CNGA4: variants seen among roughly 807,000 people sequenced by gnomAD.
CNGA4 encodes cyclic nucleotide gated channel subunit alpha 4, also known as cyclic nucleotide-gated channel alpha-4.
A neutral mutation model predicts 45.6 loss-of-function variants in CNGA4; 32 were observed. That is an observed-to-expected ratio of 0.70 (90% CI 0.53 to 0.94). The LOEUF (loss-of-function observed/expected upper bound fraction) is 0.94. Among genes scored for constraint, CNGA4 ranks in the 40% least tolerant of loss-of-function variants. CNGA4 has a pLI of 0.00. For missense variants in CNGA4, 726 were observed against 755.1 expected (o/e 0.96, Z 0.45); for synonymous variants, 293 against 304.6 (o/e 0.96, Z 0.40).
upstream of CNGA4, chr11:6,235,469 C>T (rs1173911745): frequency 1.0e-6 from 1 of 985,156 alleles, no homozygotes; most frequent in Non-Finnish European, 1.2e-6. Context: ...CGGGGGCCAC[C>T]TAGGAGCAGC....
upstream of CNGA4, among the ~76,000 whole-genome samples, chr11:6,235,945 AAAAAAAGAAAAG>A (rs1847830076): frequency 6.6e-6 from 1 of 151,892 alleles, no homozygotes; most frequent in African/African-American, 2.4e-5. Flanking sequence ...TCTCAAAAAA[AAAAAAAGAAAAG>A]AAAAAAAGAA....
intron 3 of CNGA4, 55 bp downstream of exon 3, chr11:6,239,845 C>A: frequency 6.5e-7 from 1 of 1,538,694 alleles, no homozygotes; most frequent in Non-Finnish European, 8.9e-7. Flanking sequence ...CTAAAGATAG[C>A]CACTTAAGAA....
chr11:6,244,077 G>A lies in CNGA4; in HGVS notation c.1396G>A (p.Glu466Lys), dbSNP rs1847955288. Residue 466 changes from glutamate (E) to lysine (K), a missense_variant, in exon 6 of 6, where the codon GAG (glutamate) becomes AAG (lysine). Coordinates refer to ENST00000379936, the MANE Select transcript of CNGA4 (RefSeq NM_001037329.4). The surrounding 1 kb of genome is among the most constrained non-coding windows in gnomAD (Gnocchi z 4.5). ...TCCACAAGCACAGACCATCATGGAG[G>A]AGAAAGGACGTGAGATCCTGCTGAA... The part of the protein sequence containing the change: ...EYPQAQTIME[E>K]KGREILLKMN... 4 of 1,614,232 alleles carry A rather than the reference G, an allele frequency of 2.5e-6. No homozygotes were observed. The highest frequency in any genetic ancestry group is 3.4e-6 in the Non-Finnish European group (4 of 1,180,038).
upstream of CNGA4, chr11:6,238,974 G>C: frequency 7.6e-7 from 1 of 1,313,070 alleles, no homozygotes; most frequent in Non-Finnish European, 1.0e-6. Context: ...AGCTGGGCAG[G>C]TGTAAGCCCA....
Position 6,244,431 on chromosome 11 carries a change from T to G in CNGA4, c.*22T>G. The G allele has an allele frequency of 1.3e-6, 2 of 1,582,138 alleles. No homozygotes were observed. The highest frequency in any genetic ancestry group is 1.7e-6 in the Non-Finnish European group (2 of 1,162,118). On this transcript the variant is annotated 3_prime_UTR_variant, in exon 6 of 6. Coordinates refer to ENST00000379936, the MANE Select transcript of CNGA4 (RefSeq NM_001037329.4). The surrounding 1 kb of genome is among the most constrained non-coding windows in gnomAD (Gnocchi z 4.5). ...GTGACCCCATCCCCATCCCCAGGAT[T>G]CCCACCTCCTAGTGAATCCAGAGTT...
In CNGA4 at chr11:6,239,743, C is replaced by T. The variant is rs764594438; in HGVS notation, c.224C>T (p.Thr75Met). 5 of 1,614,128 alleles carry T rather than the reference C, an allele frequency of 3.1e-6. No homozygotes were observed. The highest frequency in any genetic ancestry group is 1.7e-4 in the Middle Eastern group (1 of 6,058). Residue 75 changes from threonine to methionine, a missense_variant, in exon 3 of 6, where the codon ACG (threonine) becomes ATG (methionine). Transcript: ENST00000379936. ...YLVAWLVLDY[T>M]SDLLYLLDMV... is the part of the protein sequence containing the mutation. Reference sequence around the variant, plus strand: ...GTGGCCTGGTTGGTGCTGGACTACACGAGTGACCTGCTATACCTACTAGAC... The same window carrying T: ...GTGGCCTGGTTGGTGCTGGACTACATGAGTGACCTGCTATACCTACTAGAC...
At position 6,240,382 on chromosome 11, in the gene CNGA4, C is replaced by T. The variant is rs377739445; in HGVS notation, c.588C>T (p.Phe196=). 7 of 1,614,106 alleles carry T rather than the reference C, an allele frequency of 4.3e-6. No homozygotes were observed. The highest frequency in any genetic ancestry group is 5.9e-6 in the Non-Finnish European group (7 of 1,180,050). The change falls in exon 4 of 6, where the codon TTC becomes TTT. Residue 196 remains phenylalanine, a synonymous_variant. Coordinates refer to ENST00000379936, the MANE Select transcript of CNGA4 (RefSeq NM_001037329.4). This position sits in a 1 kb window ranked among gnomAD's most constrained non-coding sequence, Gnocchi z 4.9. ...TTGCCCTATCCCGGTACCTGGGCTTCGGGCGTGACGCATGGGTGTACCCGG... is the reference window on the plus strand; with the variant it reads ...TTGCCCTATCCCGGTACCTGGGCTTTGGGCGTGACGCATGGGTGTACCCGG... The part of the protein sequence containing the change: ...LYFALSRYLG[F]GRDAWVYPDP...
Position 6,241,773 on chromosome 11 carries a change from C to T in CNGA4, c.1260C>T (p.Asn420=), listed in dbSNP as rs758696996. 6.2e-7 allele frequency: 1 copy of T among 1,613,878 alleles called. No homozygotes were observed. Among genetic ancestry groups the T allele is most frequent in the East Asian group, 2.2e-5 (1 of 44,874 alleles). ...GLYFGEISII[N]IKGNMSGNRR... is the part of the protein sequence containing the mutation. ...ACTTTGGGGAGATCAGCATCATCAA[C>T]ATCAAAGGTGGGTATCCCAGTATTT... is the stretch of plus-strand genomic sequence containing the variant. The change falls in exon 5 of 6, where the codon AAC becomes AAT. Residue 420 remains asparagine (N), a synonymous_variant. Coordinates refer to ENST00000379936, the MANE Select transcript of CNGA4 (RefSeq NM_001037329.4).
chr11:6,239,153 C>T lies in CNGA4; in HGVS notation c.-54C>T. The T allele has an allele frequency of 6.2e-7, 1 of 1,612,054 alleles. No individual in the cohort carries two copies. On this transcript the variant is annotated 5_prime_UTR_variant, in exon 1 of 6. Transcript: ENST00000379936. ...ACTAGTGCCCAACTCCAGAAGTCCCCTACAGGCAGAGAGGGTGTGGACATC... is the reference window on the plus strand; with the variant it reads ...ACTAGTGCCCAACTCCAGAAGTCCCTTACAGGCAGAGAGGGTGTGGACATC...
At chr11:6,242,639 C>T (rs1485567632) in intron 5 of CNGA4, among the ~76,000 whole-genome samples, 1 of 152,136 alleles carries the variant, frequency 6.6e-6, no homozygotes, top group Non-Finnish European at 1.5e-5. Flanking sequence ...GTCTGTTTGA[C>T]TTTGGACAAG....
Position 6,239,148 on chromosome 11 carries a change from GT to G in CNGA4, c.-58del. 6.2e-7 allele frequency: 1 copy of G among 1,611,602 alleles called. No individual in the cohort carries two copies. The highest frequency in any genetic ancestry group is 8.5e-7 in the Non-Finnish European group (1 of 1,179,682). ...CAGGCACTAGTGCCCAACTCCAGAAGTCCCCTACAGGCAGAGAGGGTGTGGA... is the reference window on the plus strand; with the variant it reads ...CAGGCACTAGTGCCCAACTCCAGAAGCCCCTACAGGCAGAGAGGGTGTGGA... On this transcript the variant is annotated 5_prime_UTR_variant, in exon 1 of 6. Transcript: ENST00000379936.
upstream of CNGA4, among the ~76,000 whole-genome samples, chr11:6,237,851 G>C (rs1443711785): frequency 6.6e-6 from 1 of 152,118 alleles, no homozygotes; most frequent in Non-Finnish European, 1.5e-5. Flanking sequence ...CTCTTCACAG[G>C]TTCTCTATTG....
chr11:6,239,889 C>T, intron 3 of CNGA4, 99 bp downstream of exon 3: 3 of 1,361,876 alleles, frequency 2.2e-6, no homozygotes, highest in Non-Finnish European at 2.0e-6. Context: ...GTGGTAGCAC[C>T]TTCGCGTGCC....
At position 6,244,383 on chromosome 11, in the gene CNGA4, C is replaced by T. The variant is rs1336153783; in HGVS notation, c.1702C>T (p.Gln568Ter). ...TSKDEEGRAS[Q>*]EGPPGPE ...CAAAGATGAAGAGGGCAGGGCCAGCCAGGAGGGACCCCCAGGTCCAGAGTG... is the reference window on the plus strand; with the variant it reads ...CAAAGATGAAGAGGGCAGGGCCAGCTAGGAGGGACCCCCAGGTCCAGAGTG... The change falls in exon 6 of 6, where the codon CAG becomes TAG. Residue 568 changes from glutamine (Q) to a stop codon, truncating the protein, a stop_gained. Coordinates refer to ENST00000379936, the MANE Select transcript of CNGA4 (RefSeq NM_001037329.4). LOFTEE classifies it high-confidence loss of function. The surrounding 1 kb of genome is among the most constrained non-coding windows in gnomAD (Gnocchi z 4.5). 1.9e-6 allele frequency: 3 copies of T among 1,612,732 alleles called. No individual in the cohort carries two copies. Among genetic ancestry groups the T allele is most frequent in the African/African-American group, 1.3e-5 (1 of 74,884 alleles).
upstream of CNGA4, chr11:6,235,439 G>C (rs181029976): frequency 2.1e-5 from 20 of 969,808 alleles, no homozygotes; most frequent in African/African-American, 3.3e-4. Context: ...TTGCAGCGTA[G>C]TGTAATAAGT....
chr11:6,244,631 T>C (rs922772100), downstream of CNGA4, among the ~76,000 whole-genome samples: 10 of 124,802 alleles, frequency 8.0e-5, no homozygotes, highest in Non-Finnish European at 1.4e-4. The surrounding 1 kb of genome is among the most constrained non-coding windows in gnomAD (Gnocchi z 4.5). Context: ...CACACACACA[T>C]TTGCTCATAG....
chr11:6,239,245 TC>T lies in CNGA4; in HGVS notation c.44del (p.Pro15GlnfsTer24), dbSNP rs1847874694. On this transcript the variant is annotated frameshift_variant, in exon 1 of 6. Transcript: ENST00000379936. LOFTEE classifies it high-confidence loss of function. ...DTKVKTTESS[P>X]PAPSKARKLL... ...CCAAAGTGAAGACAACAGAGTCCAG[TC>T]CCCCAGCCCCATCCAAGGCCAGGTG... is the stretch of plus-strand genomic sequence containing the variant. 1.2e-6 allele frequency: 2 copies of T among 1,613,920 alleles called. No homozygotes were observed. Among genetic ancestry groups the T allele is most frequent in the Admixed American group, 1.7e-5 (1 of 59,998 alleles).
At chr11:6,235,942 A>G (rs1564875208), upstream of CNGA4, among the ~76,000 whole-genome samples, 1 of 151,936 alleles carries the variant, frequency 6.6e-6, no homozygotes, top group East Asian at 1.9e-4. Flanking sequence ...CCGTCTCAAA[A>G]AAAAAAAAAG....
upstream of CNGA4, among the ~76,000 whole-genome samples, chr11:6,237,640 G>T (rs571309870): frequency 6.6e-5 from 10 of 152,124 alleles, no homozygotes; most frequent in Non-Finnish European, 1.3e-4. Context: ...AGACATTATG[G>T]CATTACAAAG....
Sources: allele counts gnomAD v4.1 joint callset (sites outside exome capture counted in the v4.1 genomes callset), GRCh38; gene constraint gnomAD v4.1.1; non-coding constraint Gnocchi (gnomAD v3.1); transcripts MANE v1.5; gene names NCBI Gene and HGNC (gene_info 2026-07-23, HGNC 2026-07-21).